Variants in WWC1 observed in about 807,000 individuals in gnomAD.
WWC1 encodes protein KIBRA.
A neutral mutation model predicts 138.4 loss-of-function variants in WWC1; 55 were observed. That is an observed-to-expected ratio of 0.40 (90% CI 0.32 to 0.50). WWC1 has a LOEUF of 0.50. WWC1 is among the 20% of genes least tolerant of loss of function. The pLI, the probability that WWC1 is intolerant of heterozygous loss-of-function variation, is 0.72. For synonymous variants in WWC1, 524 were observed against 564.9 expected, an observed-to-expected ratio of 0.93 and a Z score of 1.03; for missense variants, 1,226 against 1,420.4, an observed-to-expected ratio of 0.86 and a Z score of 2.20.
intron 1 of WWC1, among the ~76,000 whole-genome samples, chr5:168,331,606 A>G (rs887889529): frequency 3.9e-5 from 6 of 152,258 alleles, no homozygotes; most frequent in African/African-American, 1.2e-4. Context: ...AGGTACTCTT[A>G]TCAATGCTGT....
intron 17 of WWC1, 130 bp downstream of exon 17, chr5:168,444,715 G>T (rs1755082527): frequency 1.1e-6 from 1 of 921,822 alleles, no homozygotes. Flanking sequence ...TCTCCTCATG[G>T]GTTCTCTACA....
intron 3 of WWC1, among the ~76,000 whole-genome samples, chr5:168,394,999 G>T (rs1582144015): frequency 6.6e-6 from 1 of 152,190 alleles, no homozygotes; most frequent in East Asian, 1.9e-4. Context: ...GATACTCCAG[G>T]GTATAAGAAT....
chr5:168,370,532 G>A (rs910941232), intron 1 of WWC1, among the ~76,000 whole-genome samples: 5 of 152,200 alleles, frequency 3.3e-5, no homozygotes, highest in Non-Finnish European at 5.9e-5. Flanking sequence ...AGGAGAAGGA[G>A]ATTGTAGAAT....
At chr5:168,306,429 G>A (rs1490610950) in intron 1 of WWC1, among the ~76,000 whole-genome samples, 1 of 152,052 alleles carries the variant, frequency 6.6e-6, no homozygotes, top group African/African-American at 2.4e-5. Context: ...GGGAATGTCA[G>A]TTACCTTGCT....
chr5:168,379,313 G>C (rs948450812), intron 2 of WWC1, among the ~76,000 whole-genome samples: 8 of 152,216 alleles, frequency 5.3e-5, no homozygotes, highest in Non-Finnish European at 1.0e-4. Flanking sequence ...ATGGACTTGA[G>C]GAAGGGTAGT....
rs186198517 is a variant in WWC1 at position 168,469,040 on chromosome 5, G to A, written c.*23G>A. 11,895 of 1,613,922 alleles carry A rather than the reference G, an allele frequency of 7.4e-3. 63 individuals are homozygous for A. Among genetic ancestry groups the A allele is most frequent in the South Asian group, 0.01 (942 of 91,076 alleles). ...TAATCGCCAGAAAAGTATTTCCTTT[G>A]TTCCACTGACCAGGCTGTGAACATT... On this transcript the variant is annotated 3_prime_UTR_variant, in exon 23 of 23. Transcript: ENST00000265293.
At chr5:168,300,782 G>A (rs1769996540) in intron 1 of WWC1, among the ~76,000 whole-genome samples, 1 of 152,108 alleles carries the variant, frequency 6.6e-6, no homozygotes, top group African/African-American at 2.4e-5. Flanking sequence ...CCCGCCCAGT[G>A]GTGGTTACTT....
At chr5:168,390,769 G>T (rs1376203917) in intron 3 of WWC1, among the ~76,000 whole-genome samples, 1 of 152,240 alleles carries the variant, frequency 6.6e-6, no homozygotes, top group Non-Finnish European at 1.5e-5. Flanking sequence ...CCCTGCCTTG[G>T]GGGTGGAGAC....
intron 5 of WWC1, among the ~76,000 whole-genome samples, chr5:168,405,892 G>C (rs988780231): frequency 6.6e-6 from 1 of 151,828 alleles, no homozygotes; most frequent in Non-Finnish European, 1.5e-5. Flanking sequence ...ATGCCCAGCT[G>C]ATTTTTGTAT....
intron 3 of WWC1, among the ~76,000 whole-genome samples, chr5:168,386,757 G>A (rs1278174691): frequency 6.6e-6 from 1 of 151,792 alleles, no homozygotes; most frequent in African/African-American, 2.4e-5. Flanking sequence ...CACCTCCCGG[G>A]TTCCAGCAAT....
Position 168,464,862 on chromosome 5 carries a change from A to G in WWC1, c.3050A>G (p.Glu1017Gly), listed in dbSNP as rs767014400. 2.5e-6 allele frequency: 4 copies of G among 1,614,192 alleles called. No individual in the cohort carries two copies. Among genetic ancestry groups the G allele is most frequent in the Non-Finnish European group, 3.4e-6 (4 of 1,180,022 alleles). The change falls in exon 21 of 23, where the codon GAG becomes GGG. Residue 1017 changes from glutamate to glycine, a missense_variant. By Grantham distance (98) the Glu-to-Gly change is moderately conservative. Transcript: ENST00000265293. ...QEISVLKELKEQLEQAKSHGE... is the reference protein window; with the variant it reads ...QEISVLKELKGQLEQAKSHGE... Reference sequence around the variant, plus strand: ...ATCTCGGTGCTGAAGGAGCTCAAGGAGCAGCTGGAACAAGCCAAGAGCCAC... The same window carrying G: ...ATCTCGGTGCTGAAGGAGCTCAAGGGGCAGCTGGAACAAGCCAAGAGCCAC...
At chr5:168,420,615 C>G (rs1456996294) in intron 9 of WWC1, among the ~76,000 whole-genome samples, 1 of 151,998 alleles carries the variant, frequency 6.6e-6, no homozygotes, top group Non-Finnish European at 1.5e-5. Flanking sequence ...AGTATTCATA[C>G]CCACATATCC....
intron 15 of WWC1, among the ~76,000 whole-genome samples, chr5:168,439,922 A>G (rs143565625): frequency 1.3e-5 from 2 of 152,164 alleles, no homozygotes; most frequent in Non-Finnish European, 2.9e-5. Context: ...AACTTTTGCA[A>G]ATTTAGTGGA....
intron 10 of WWC1, among the ~76,000 whole-genome samples, chr5:168,422,975 C>G (rs6876338): frequency 0.53 from 80,149 of 151,462 alleles, 22,587 homozygotes; most frequent in East Asian, 0.99. Context: ...GTGAAACCCC[C>G]TCTCTACTAA....
intron 3 of WWC1, among the ~76,000 whole-genome samples, chr5:168,389,368 T>C (rs767601056): frequency 6.6e-5 from 10 of 151,174 alleles, no homozygotes; most frequent in African/African-American, 2.2e-4. Context: ...AATCGCTTGC[T>C]TGAACCCAGG....
intron 2 of WWC1, among the ~76,000 whole-genome samples, chr5:168,372,352 T>C (rs989567177): frequency 6.6e-6 from 1 of 152,156 alleles, no homozygotes; most frequent in Non-Finnish European, 1.5e-5. Flanking sequence ...GTCCCACTTG[T>C]GCATGTGTAC....
chr5:168,309,282 A>T (rs771517324), intron 1 of WWC1, among the ~76,000 whole-genome samples: 5 of 152,132 alleles, frequency 3.3e-5, no homozygotes, highest in Non-Finnish European at 5.9e-5. Context: ...CTGGGTACCT[A>T]CTGGACATTT....
chr5:168,332,206 CTG>C (rs1773089038), intron 1 of WWC1, among the ~76,000 whole-genome samples: 1 of 151,778 alleles, frequency 6.6e-6, no homozygotes, highest in African/African-American at 2.4e-5. Context: ...AAGAATGACA[CTG>C]TGAATGAGAA....
chr5:168,378,143 A>G (rs1335057155), intron 2 of WWC1, among the ~76,000 whole-genome samples: 1 of 152,230 alleles, frequency 6.6e-6, no homozygotes, highest in African/African-American at 2.4e-5. Flanking sequence ...ATGCAGTTGG[A>G]GGCCATTATT....
Sources: allele counts gnomAD v4.1 joint callset (sites outside exome capture counted in the v4.1 genomes callset), GRCh38; gene constraint gnomAD v4.1.1; transcripts MANE v1.5; gene names NCBI Gene and HGNC (gene_info 2026-07-23, HGNC 2026-07-21).